Variants in DDX25 observed in about 807,000 individuals in gnomAD.
DDX25 encodes the protein ATP-dependent RNA helicase DDX25.
A neutral mutation model predicts 64.6 loss-of-function variants in DDX25; 70 were observed. The ratio of observed to expected loss-of-function variants is 1.08; its 90% CI spans 0.89 to 1.32. The LOEUF is 1.32. DDX25 is among the 40% of genes most tolerant of loss of function. The pLI is 0.00. For synonymous variants in DDX25, 211 were observed against 213.3 expected (o/e 0.99, Z 0.09); for missense variants, 587 against 604.4 (o/e 0.97, Z 0.30).
chr11:125,912,433 C>T (rs1288615825), intron 8 of DDX25, among the ~76,000 whole-genome samples: 1 of 152,200 alleles, frequency 6.6e-6, no homozygotes, highest in African/African-American at 2.4e-5. Context: ...TCCGTATCCA[C>T]AAGGGATTGG....
intron 8 of DDX25, among the ~76,000 whole-genome samples, chr11:125,915,783 C>T (rs114793269): frequency 0.024 from 3,683 of 152,260 alleles, 121 homozygotes; most frequent in African/African-American, 0.083. Context: ...CTAGACCTCC[C>T]GGTGGTTCTG....
chr11:125,920,960 T>C, intron 10 of DDX25: 1 of 522,638 alleles, frequency 1.9e-6, no homozygotes. Context: ...ACACGCCTTG[T>C]GTATATTTAC....
At position 125,924,663 on chromosome 11, in the gene DDX25, A is replaced by G. The variant is rs951903535; in HGVS notation, c.*1782A>G. On this transcript the variant is annotated 3_prime_UTR_variant, in exon 12 of 12. Transcript: ENST00000263576. Reference sequence around the variant, plus strand: ...ATTACCTGGAGAGCCCGGGGAAAAAAATACAGATTTCCTTCCCCATGCAGA... The same window carrying G: ...ATTACCTGGAGAGCCCGGGGAAAAAGATACAGATTTCCTTCCCCATGCAGA... 2.0e-5 allele frequency: 3 copies of G among 152,258 alleles called. No individual in the cohort carries two copies. The East Asian group carries it at 5.8e-4, about 29-fold the overall frequency. The allele number at this position is 152,258 out of a possible 1,614,324, so 9.4% of individuals were successfully genotyped here.
In DDX25 at chr11:125,924,319, C is replaced by T. The variant is rs543154555; in HGVS notation, c.*1438C>T. On this transcript the variant is annotated 3_prime_UTR_variant, in exon 12 of 12. Coordinates refer to ENST00000263576, the MANE Select transcript of DDX25 (RefSeq NM_013264.5). ...TAGCAACAGATATTTATTGTATACC[C>T]TTTATGCCAAACACCAGGGAAAAGG... 6.6e-6 allele frequency: 1 copy of T among 152,312 alleles called. No individual in the cohort carries two copies. Among genetic ancestry groups the T allele is most frequent in the South Asian group, 2.1e-4 (1 of 4,818 alleles). 9.4% of individuals were successfully genotyped at this position (152,312 alleles called of 1,614,324 possible).
chr11:125,908,564 G>A (rs1944927253), intron 6 of DDX25, 61 bp downstream of exon 6: 2 of 1,427,128 alleles, frequency 1.4e-6, no homozygotes, highest in Admixed American at 3.4e-5. Flanking sequence ...TTTAGTAATA[G>A]GTGATATTCC....
chr11:125,916,664 T>C (rs1274991501), intron 8 of DDX25, among the ~76,000 whole-genome samples: 1 of 152,238 alleles, frequency 6.6e-6, no homozygotes, highest in Non-Finnish European at 1.5e-5. Context: ...TTCATCTCCA[T>C]TTACCTTTGT....
intron 9 of DDX25, among the ~76,000 whole-genome samples, chr11:125,917,993 C>T (rs1346440255): frequency 1.3e-5 from 2 of 152,186 alleles, no homozygotes; most frequent in Admixed American, 6.5e-5. Flanking sequence ...ATTCTCCTGC[C>T]TCAGCTTCCC....
At chr11:125,905,433 GA>G in intron 2 of DDX25, 119 bp from the exon 3 acceptor site, 2 of 1,336,474 alleles carry the variant, frequency 1.5e-6, no homozygotes, top group Non-Finnish European at 2.1e-6. Context: ...ATTCCTCCAT[GA>G]AATGACTCTT....
chr11:125,915,014 T>G (rs890874191), intron 8 of DDX25, among the ~76,000 whole-genome samples: 27 of 152,184 alleles, frequency 1.8e-4, no homozygotes, highest in African/African-American at 6.5e-4. Flanking sequence ...GACATTAAGT[T>G]CAAGGCCAGG....
rs1334995294 is a variant in DDX25, at chr11:125,908,392, T to C, written c.405-9T>C. On this transcript the variant is annotated splice_polypyrimidine_tract_variant and intron_variant, in intron 5 of 11. Transcript: ENST00000263576. Reference sequence around the variant, plus strand: ...CAGTTTATGCCCAGTGGTCTTCTCTTTTCTACAGACCCCAGAACCTCATAG... The same window carrying C: ...CAGTTTATGCCCAGTGGTCTTCTCTCTTCTACAGACCCCAGAACCTCATAG... The C allele has an allele frequency of 1.9e-6, 3 of 1,613,844 alleles. No homozygotes were observed. In the African/African-American group the frequency reaches 4.0e-5, roughly 22 times the overall value.
chr11:125,911,984 C>T (rs930938481), intron 8 of DDX25, among the ~76,000 whole-genome samples: 3 of 152,126 alleles, frequency 2.0e-5, no homozygotes, highest in Admixed American at 6.5e-5. Context: ...GATTACCGGA[C>T]GCAGCCTCAG....
In DDX25 at chr11:125,917,107, T is replaced by A; in HGVS notation, c.894T>A (p.Asn298Lys). ...CTGAGCGAATCATCCCTGACCCTAA[T>A]GTTATCAAGTTACGCAAAGAGGAGC... ...HFAERIIPDP[N>K]VIKLRKEELT... Residue 298 changes from asparagine to lysine, a missense_variant, in exon 9 of 12, where the codon AAT becomes AAA. Coordinates refer to ENST00000263576, the MANE Select transcript of DDX25 (RefSeq NM_013264.5). 2.5e-6 allele frequency: 4 copies of A among 1,610,726 alleles called. No homozygotes were observed. Among genetic ancestry groups the A allele is most frequent in the Non-Finnish European group, 3.4e-6 (4 of 1,178,770 alleles).
Position 125,905,566 on chromosome 11 carries a change from T to A in DDX25, c.144T>A (p.Asn48Lys). ...CATCCTTTCCAGATGGTTCTATTAA[T>A]AACATCAATGAAGATGATGAAGAAG... ...TAVRNIDGSINNINEDDEEDV... is the reference protein window; with the variant it reads ...TAVRNIDGSIKNINEDDEEDV... Residue 48 changes from asparagine to lysine, a missense_variant, in exon 3 of 12, where the codon AAT (asparagine) becomes AAA (lysine). By Grantham distance (94) the Asn-to-Lys change is moderately conservative (BLOSUM62 0). Coordinates refer to ENST00000263576, the MANE Select transcript of DDX25 (RefSeq NM_013264.5). 6.4e-7 allele frequency: 1 copy of A among 1,551,692 alleles called. No homozygotes were observed. The highest frequency in any genetic ancestry group is 8.7e-7 in the Non-Finnish European group (1 of 1,146,856).
intron 10 of DDX25, 83 bp downstream of exon 10, chr11:125,918,873 C>G (rs993557352): frequency 1.4e-6 from 2 of 1,411,820 alleles, no homozygotes; most frequent in South Asian, 1.5e-5. Flanking sequence ...TCGCGAGTTT[C>G]GACAAACATG....
At position 125,926,074 on chromosome 11, in the gene DDX25, C is replaced by T. The variant is rs879865722; in HGVS notation, c.*3193C>T. The T allele has an allele frequency of 2.0e-5, 3 of 152,792 alleles. No individual in the cohort carries two copies. The highest frequency in any genetic ancestry group is 2.9e-5 in the Non-Finnish European group (2 of 68,532). 9.5% of individuals were successfully genotyped at this position (152,792 alleles called of 1,614,324 possible). On this transcript the variant is annotated 3_prime_UTR_variant, in exon 12 of 12. Transcript: ENST00000263576. Reference sequence around the variant, plus strand: ...GCTTGGTTCCTGGTCCTCTGAGAGGCTCAGTCTCCTTCCTTTTGATTCAAG... The same window carrying T: ...GCTTGGTTCCTGGTCCTCTGAGAGGTTCAGTCTCCTTCCTTTTGATTCAAG...
Position 125,918,625 on chromosome 11 carries a change from T to C in DDX25, c.1039-3T>C, listed in dbSNP as rs200284819. On this transcript the variant is annotated splice_region_variant and splice_polypyrimidine_tract_variant and intron_variant, in intron 9 of 11. Transcript: ENST00000263576. ...CTGTGTTGGGTTTTGCCTTTTTACA[T>C]AGACTCGTCGAAACGCTAAGTGGTT... 4.2e-4 allele frequency: 674 copies of C among 1,611,920 alleles called. No homozygotes were observed. Among genetic ancestry groups the C allele is most frequent in the Non-Finnish European group, 5.4e-4 (634 of 1,178,526 alleles).
In DDX25 at chr11:125,921,200, T is replaced by A; in HGVS notation, c.1211T>A (p.Val404Glu). ...TTNVCARGID[V>E]KQVTIVVNFD... Reference sequence around the variant, plus strand: ...GTTTTTCCTCTTCTAGGGATTGATGTGAAGCAGGTCACAATTGTTGTGAAC... The same window carrying A: ...GTTTTTCCTCTTCTAGGGATTGATGAGAAGCAGGTCACAATTGTTGTGAAC... Residue 404 changes from valine (V) to glutamate (E), a missense_variant, in exon 11 of 12, where the codon GTG (valine) becomes GAG (glutamate). Coordinates refer to ENST00000263576, the MANE Select transcript of DDX25 (RefSeq NM_013264.5). The surrounding 1 kb of genome is among the most constrained non-coding windows in gnomAD (Gnocchi z 4.1). 1 of 1,610,606 alleles carries A rather than the reference T, an allele frequency of 6.2e-7. No homozygotes were observed. The highest frequency in any genetic ancestry group is 8.5e-7 in the Non-Finnish European group (1 of 1,178,792).
intron 1 of DDX25, 42 bp from the exon 2 acceptor site, chr11:125,905,170 G>A: frequency 6.5e-7 from 1 of 1,540,274 alleles, no homozygotes; most frequent in East Asian, 2.4e-5. Context: ...CTGCTTGAGG[G>A]CTTGCATCCT....
In DDX25 at chr11:125,910,448, C is replaced by G; in HGVS notation, c.592C>G (p.Gln198Glu). ...EQMGKFCVDVQVMYAIRGNRI... is the reference protein window; with the variant it reads ...EQMGKFCVDVEVMYAIRGNRI... ...GATGGGAAAATTCTGTGTGGATGTT[C>G]AAGTGATGTATGCCATTCGAGGGAA... The change falls in exon 7 of 12, where the codon CAA becomes GAA. Residue 198 changes from glutamine (Q) to glutamate (E), a missense_variant. Gln to Glu is a conservative substitution (Grantham distance 29). Transcript: ENST00000263576. 6.2e-7 allele frequency: 1 copy of G among 1,613,954 alleles called. No homozygotes were observed. Among genetic ancestry groups the G allele is most frequent in the Non-Finnish European group, 8.5e-7 (1 of 1,179,872 alleles).
Sources: gnomAD v4.1 joint callset for allele counts (sites outside exome capture counted in the v4.1 genomes callset) on GRCh38, gnomAD v4.1.1 for gene constraint, Gnocchi (gnomAD v3.1) non-coding constraint, MANE v1.5 for transcripts, NCBI Gene and HGNC (gene_info 2026-07-23, HGNC 2026-07-21) for gene names.